Variants in SLC71A1 observed in about 807,000 individuals in gnomAD.
SLC71A1 encodes the protein solute carrier family 71 member 1.
chr1:100,068,448 T>A, the SLC71A1 span: 3 of 1,450,968 alleles, frequency 2.1e-6, no homozygotes, highest in Non-Finnish European at 1.9e-6. Context: ...AAACCTTATA[T>A]CAATCAGTCT....
At chr1:100,042,782 A>AT in the SLC71A1 span, among the ~76,000 whole-genome samples, 4 of 151,642 alleles carry the variant, frequency 2.6e-5, no homozygotes, top group East Asian at 3.9e-4. Context: ...TAATTTTTGT[A>AT]TTTTTTTAGT....
At chr1:100,071,276 AC>A in the SLC71A1 span, among the ~76,000 whole-genome samples, 76 of 141,122 alleles carry the variant, frequency 5.4e-4, 1 homozygote, top group African/African-American at 2.0e-3. Flanking sequence ...ACTTGGCAAA[AC>A]CCCATCTCTA....
chr1:100,077,994 C>T, the SLC71A1 span, among the ~76,000 whole-genome samples: 1 of 152,194 alleles, frequency 6.6e-6, no homozygotes, highest in Non-Finnish European at 1.5e-5. Context: ...TTCTTTTAAA[C>T]ATCAAGCCAG....
chr1:100,045,396 A>C, the SLC71A1 span, among the ~76,000 whole-genome samples: 1 of 152,052 alleles, frequency 6.6e-6, no homozygotes, highest in Non-Finnish European at 1.5e-5. Flanking sequence ...AGCTTTTTGG[A>C]TGCGTCATTA....
the SLC71A1 span, among the ~76,000 whole-genome samples, chr1:100,046,912 A>G: frequency 1.3e-5 from 2 of 152,170 alleles, no homozygotes; most frequent in South Asian, 4.1e-4. Context: ...TGATTTTTGT[A>G]TCCTGCAACT....
chr1:100,073,706 G>A, the SLC71A1 span, among the ~76,000 whole-genome samples: 33 of 152,286 alleles, frequency 2.2e-4, no homozygotes, highest in East Asian at 1.3e-3. Context: ...TCACCCATGC[G>A]TCTTCAGGCC....
chr1:100,049,913 A>G, the SLC71A1 span: 3 of 1,574,936 alleles, frequency 1.9e-6, no homozygotes, highest in Non-Finnish European at 1.7e-6. Flanking sequence ...TTATAGCCTC[A>G]AGGAATAGGT....
the SLC71A1 span, chr1:100,038,212 C>T: frequency 1.3e-6 from 2 of 1,549,850 alleles, no homozygotes; most frequent in South Asian, 1.2e-5. Flanking sequence ...TGCAGCAGCG[C>T]CAGGAATCGA....
chr1:100,080,157 T>C, the SLC71A1 span: 1 of 170,386 alleles, frequency 5.9e-6, no homozygotes, highest in East Asian at 1.6e-4. Context: ...TGGGGACAGA[T>C]AAATTTTAAC....
chr1:100,048,388 A>C, the SLC71A1 span, among the ~76,000 whole-genome samples: 25 of 152,150 alleles, frequency 1.6e-4, no homozygotes, highest in East Asian at 3.9e-4. Flanking sequence ...CCATGTTGGC[A>C]AGGCTGGTCT....
chr1:100,054,193 C>T, the SLC71A1 span, among the ~76,000 whole-genome samples: 234 of 151,730 alleles, frequency 1.5e-3, 1 homozygote, highest in Non-Finnish European at 2.8e-3. Flanking sequence ...AGGTGCATGT[C>T]ACCACGCCCA....
chr1:100,054,614 C>T, the SLC71A1 span, among the ~76,000 whole-genome samples: 3 of 152,100 alleles, frequency 2.0e-5, no homozygotes, highest in Non-Finnish European at 4.4e-5. Flanking sequence ...ACTCAAAATC[C>T]ACTAGCATCT....
the SLC71A1 span, chr1:100,042,946 TTA>T: frequency 4.0e-6 from 1 of 252,296 alleles, no homozygotes; most frequent in African/African-American, 2.3e-5. Flanking sequence ...ATCAGGGTGT[TTA>T]TATTGTCTTT....
chr1:100,038,701 G>T, the SLC71A1 span, among the ~76,000 whole-genome samples: 1 of 152,134 alleles, frequency 6.6e-6, no homozygotes, highest in Admixed American at 6.5e-5. Flanking sequence ...CAGGCCCCGC[G>T]GAGCCGTCGC....
At chr1:100,066,531 A>G in the SLC71A1 span, among the ~76,000 whole-genome samples, 3 of 152,030 alleles carry the variant, frequency 2.0e-5, no homozygotes, top group African/African-American at 7.2e-5. Context: ...CTCATCAGCT[A>G]TTGTTAGTGT....
At chr1:100,040,995 G>C in the SLC71A1 span, among the ~76,000 whole-genome samples, 2 of 152,134 alleles carry the variant, frequency 1.3e-5, no homozygotes, top group Admixed American at 6.5e-5. Context: ...GTACTGATTT[G>C]ATCCCCCTTC....
chr1:100,059,094 T>C, the SLC71A1 span, among the ~76,000 whole-genome samples: 1 of 150,292 alleles, frequency 6.7e-6, no homozygotes, highest in Non-Finnish European at 1.5e-5. Context: ...ACTGTATCAG[T>C]AGGGTAAAGA....
At chr1:100,063,309 C>T in the SLC71A1 span, among the ~76,000 whole-genome samples, 1 of 149,424 alleles carries the variant, frequency 6.7e-6, no homozygotes, top group African/African-American at 2.4e-5. Flanking sequence ...ACAAAAAACA[C>T]TGAAATCTTC....
chr1:100,059,481 GACAA>G, the SLC71A1 span, among the ~76,000 whole-genome samples: 1 of 151,068 alleles, frequency 6.6e-6, no homozygotes, highest in Non-Finnish European at 1.5e-5. Flanking sequence ...GATTCAGTTT[GACAA>G]ACAAGTTTTC....
Sources: allele counts gnomAD v4.1 joint callset (sites outside exome capture counted in the v4.1 genomes callset), GRCh38; gene constraint gnomAD v4.1.1; transcripts MANE v1.5; gene names NCBI Gene and HGNC (gene_info 2026-07-23, HGNC 2026-07-21).